PRDM6: variants seen among roughly 807,000 people sequenced by gnomAD.
PRDM6 encodes the protein putative histone-lysine N-methyltransferase PRDM6.
In PRDM6, 25 loss-of-function variants were observed where a neutral mutation model predicts 60.8. The observed-to-expected ratio is 0.41, with a 90% CI of 0.30 to 0.57. The LOEUF is 0.57. Ranked by LOEUF, PRDM6 falls within the 20% of genes least tolerant of loss-of-function variation. The pLI is 0.27. For synonymous variants in PRDM6, 407 were observed against 357.4 expected (o/e 1.14, Z -1.57); for missense variants, 839 against 821.3 (o/e 1.02, Z -0.26).
chr5:123,124,917 CAA>C (rs965704662), intron 3 of PRDM6, among the ~76,000 whole-genome samples: 10 of 151,620 alleles, frequency 6.6e-5, no homozygotes, highest in African/African-American at 1.9e-4. Flanking sequence ...AAAAGTAAAA[CAA>C]AGTGGGAAAA....
intron 3 of PRDM6, among the ~76,000 whole-genome samples, chr5:123,127,677 TTCTTTCTTTCTTTTCTTTC>T (rs1764723057): frequency 6.7e-6 from 1 of 150,306 alleles, no homozygotes; most frequent in Admixed American, 6.6e-5. Context: ...AAGGGATTTC[TTCTTTCTTTCTTTTCTTTC>T]TCTTTCTTTC....
intron 3 of PRDM6, among the ~76,000 whole-genome samples, chr5:123,107,378 G>T (rs924732427): frequency 6.6e-6 from 1 of 152,186 alleles, no homozygotes; most frequent in Non-Finnish European, 1.5e-5. Context: ...ATTGTTACAA[G>T]TGTGAAATGC....
At chr5:123,170,199 G>C (rs955013080) in intron 5 of PRDM6, among the ~76,000 whole-genome samples, 1 of 152,020 alleles carries the variant, frequency 6.6e-6, no homozygotes, top group African/African-American at 2.4e-5. Context: ...TACTGCATGC[G>C]ACACTCCTCC....
chr5:123,091,266 A>G (rs969486630), intron 2 of PRDM6, among the ~76,000 whole-genome samples: 6 of 152,218 alleles, frequency 3.9e-5, no homozygotes, highest in Non-Finnish European at 7.3e-5. Context: ...AATGACTGCT[A>G]CTTACTGAGA....
chr5:123,187,213 G>A lies in PRDM6; in HGVS notation c.*12G>A. The stretch of plus-strand genomic sequence containing the variant: ...TCGAAGTGGATTAACGGATTGACTG[G>A]TTGGAATTAAACTGCAAGGAAAGTC... On this transcript the variant is annotated 3_prime_UTR_variant, in exon 8 of 8. Transcript: ENST00000407847. 2 of 1,532,124 alleles carry A rather than the reference G, an allele frequency of 1.3e-6. No individual in the cohort carries two copies. 94.9% of individuals were successfully genotyped at this position (1,532,124 alleles called of 1,614,324 possible).
chr5:123,145,170 T>C (rs968500703), intron 3 of PRDM6, among the ~76,000 whole-genome samples: 2 of 152,210 alleles, frequency 1.3e-5, no homozygotes, highest in South Asian at 2.1e-4. Flanking sequence ...AGTCCTGAGG[T>C]CCTTTTTGCA....
intron 7 of PRDM6, among the ~76,000 whole-genome samples, chr5:123,180,993 A>AT (rs1766144887): frequency 6.6e-6 from 1 of 152,252 alleles, no homozygotes; most frequent in Non-Finnish European, 1.5e-5. Flanking sequence ...AGATAATGGC[A>AT]TCTGAGCAAG....
intron 5 of PRDM6, among the ~76,000 whole-genome samples, chr5:123,161,777 G>C (rs1490765444): frequency 6.6e-6 from 1 of 152,230 alleles, no homozygotes; most frequent in African/African-American, 2.4e-5. Context: ...AACTCTGTGT[G>C]AGCTAGGCAA....
intron 6 of PRDM6, among the ~76,000 whole-genome samples, chr5:123,171,896 CAAA>C (rs1418751716): frequency 6.6e-6 from 1 of 152,126 alleles, no homozygotes; most frequent in African/African-American, 2.4e-5. Context: ...GCGCAAAAGA[CAAA>C]AATCAAATTA....
chr5:123,186,628 C>T (rs1333605691), intron 7 of PRDM6, among the ~76,000 whole-genome samples: 2 of 152,194 alleles, frequency 1.3e-5, no homozygotes, highest in Non-Finnish European at 2.9e-5. Context: ...CTCTAGTTTC[C>T]AAATTCCAAG....
At position 123,099,826 on chromosome 5, in the gene PRDM6, G is replaced by C. The variant is rs1479767494; in HGVS notation, c.765G>C (p.Val255=). Residue 255 remains valine (V), a synonymous_variant, in exon 3 of 8, where the codon GTG becomes GTC. Transcript: ENST00000407847. The surrounding 1 kb of genome is among the most constrained non-coding windows in gnomAD (Gnocchi z 4.0). Reference sequence around the variant, plus strand: ...AGGTGTGCCTCTGCACCAGTACTGTGCCCGGCCTGGCCTACGGCATCTGCG... The same window carrying C: ...AGGTGTGCCTCTGCACCAGTACTGTCCCCGGCCTGGCCTACGGCATCTGCG... ...PREVCLCTST[V]PGLAYGICAA... is the part of the protein sequence containing the mutation. 4 of 1,550,368 alleles carry C rather than the reference G, an allele frequency of 2.6e-6. No homozygotes were observed. In the African/African-American group the frequency reaches 5.5e-5, roughly 21 times the overall value.
At chr5:123,136,614 A>T (rs116415757) in intron 3 of PRDM6, among the ~76,000 whole-genome samples, 1 of 152,290 alleles carries the variant, frequency 6.6e-6, no homozygotes, top group South Asian at 2.1e-4. Flanking sequence ...CTGAATTTTA[A>T]TTCTCTTATT....
intron 2 of PRDM6, among the ~76,000 whole-genome samples, chr5:123,090,846 C>T (rs1763823172): frequency 6.6e-6 from 1 of 152,212 alleles, no homozygotes; most frequent in African/African-American, 2.4e-5. Flanking sequence ...CCTCTCCCTC[C>T]CTCTCCTCAC....
intron 3 of PRDM6, among the ~76,000 whole-genome samples, chr5:123,108,775 T>G (rs548214364): frequency 5.8e-4 from 88 of 152,268 alleles, no homozygotes; most frequent in African/African-American, 2.0e-3. Flanking sequence ...TGTTGATGGT[T>G]TTCATAATGG....
At chr5:123,177,087 C>A (rs1766029097) in intron 6 of PRDM6, among the ~76,000 whole-genome samples, 1 of 152,142 alleles carries the variant, frequency 6.6e-6, no homozygotes, top group Non-Finnish European at 1.5e-5. Flanking sequence ...AGTTGTGATG[C>A]CTGAGATTCC....
intron 3 of PRDM6, among the ~76,000 whole-genome samples, chr5:123,131,964 A>C (rs773292861): frequency 9.9e-5 from 15 of 152,192 alleles, no homozygotes; most frequent in Non-Finnish European, 2.2e-4. Context: ...GACAAAATGG[A>C]AATAGTAATA....
chr5:123,152,098 C>A (rs1765382354), intron 3 of PRDM6, among the ~76,000 whole-genome samples: 1 of 152,136 alleles, frequency 6.6e-6, no homozygotes, highest in Non-Finnish European at 1.5e-5. Context: ...ATCTGGGAAG[C>A]ACAGGAGTGA....
chr5:123,140,967 T>A (rs1285283223), intron 3 of PRDM6, among the ~76,000 whole-genome samples: 7 of 151,950 alleles, frequency 4.6e-5, no homozygotes, highest in Non-Finnish European at 7.4e-5. Flanking sequence ...TAAGTTAAAA[T>A]TTTTTTTATA....
At chr5:123,158,040 T>G (rs1267604464) in intron 4 of PRDM6, among the ~76,000 whole-genome samples, 1 of 152,246 alleles carries the variant, frequency 6.6e-6, no homozygotes, top group Non-Finnish European at 1.5e-5. Context: ...CTCTGCCCAC[T>G]TGTAAGGAAT....
Sources: gnomAD v4.1 joint callset for allele counts (sites outside exome capture counted in the v4.1 genomes callset) on GRCh38, gnomAD v4.1.1 for gene constraint, Gnocchi (gnomAD v3.1) non-coding constraint, MANE v1.5 for transcripts, NCBI Gene and HGNC (gene_info 2026-07-23, HGNC 2026-07-21) for gene names.